Variants in ADGRG4 observed in about 807,000 individuals in gnomAD.
ADGRG4 encodes G protein-coupled receptor 112.
In ADGRG4, 122 loss-of-function variants were observed where a neutral mutation model predicts 126.2. The ratio of observed to expected loss-of-function variants is 0.97; its 90% CI spans 0.83 to 1.12. ADGRG4 has a LOEUF of 1.12. Among genes scored for constraint, ADGRG4 ranks in the 50% most tolerant of loss-of-function variants. The probability of loss-of-function intolerance (pLI) is 0.00; values close to 1 mark genes in which losing one functional copy is unlikely to be tolerated. For synonymous variants in ADGRG4, 943 were observed against 838.7 expected (o/e 1.12, Z -2.15); for missense variants, 2,481 against 2,251.8 (o/e 1.10, Z -2.06).
In ADGRG4 at chrX:136,348,855, A is replaced by T; in HGVS notation, c.5149A>T (p.Ile1717Leu). 1 of 1,209,811 alleles carries T rather than the reference A, an allele frequency of 8.3e-7. No homozygotes were observed. Among genetic ancestry groups the T allele is most frequent in the Non-Finnish European group, 1.1e-6 (1 of 894,660 alleles). ...SQADEATTLG[I>L]LSGITNRSLS... The stretch of plus-strand genomic sequence containing the variant: ...AGCAGATGAGGCTACAACTTTGGGC[A>T]TATTATCTGGGATTACTAACAGGTC... Residue 1717 changes from isoleucine to leucine, a missense_variant, in exon 6 of 26, where the codon ATA (isoleucine) becomes TTA (leucine). By Grantham distance (5) the Ile-to-Leu change is conservative. Coordinates refer to ENST00000394143, the MANE Select transcript of ADGRG4 (RefSeq NM_153834.4).
intron 22 of ADGRG4, 28 bp downstream of exon 22, chrX:136,403,350 G>T: frequency 9.1e-7 from 1 of 1,102,830 alleles, no homozygotes; most frequent in African/African-American, 1.8e-5. Flanking sequence ...TGTTTCTCTG[G>T]TGGTGGGGCT....
chrX:136,399,211 TATAC>T (rs1295587122), intron 20 of ADGRG4, among the ~76,000 whole-genome samples: 1 of 111,940 alleles, frequency 8.9e-6, no homozygotes, highest in Admixed American at 9.5e-5. Context: ...TCCACAGGTA[TATAC>T]ATATGTAAAG....
chrX:136,405,473 T>A (rs1047835428), intron 22 of ADGRG4, among the ~76,000 whole-genome samples: 11 of 111,376 alleles, frequency 9.9e-5, no homozygotes, highest in African/African-American at 3.3e-4. Flanking sequence ...CCTCTAGGAT[T>A]TCTGACTTAG....
chrX:136,395,249 A>G, intron 18 of ADGRG4, 141 bp from the exon 19 acceptor site: 1 of 389,703 alleles, frequency 2.6e-6, no homozygotes, highest in Non-Finnish European at 4.4e-6. Flanking sequence ...ATTTAATTTC[A>G]GTGTTCAATT....
intron 23 of ADGRG4, among the ~76,000 whole-genome samples, chrX:136,409,048 GACACACACACACACACAC>G (rs71995144): frequency 6.6e-5 from 6 of 90,863 alleles, no homozygotes; most frequent in Non-Finnish European, 6.5e-5. Context: ...TCAAATTCAA[GACACACACACACACACAC>G]ACACACACAC....
In ADGRG4 at chrX:136,348,224, G is replaced by C. The variant is rs773301806; in HGVS notation, c.4518G>C (p.Thr1506=). 27 of 1,208,373 alleles carry C rather than the reference G, an allele frequency of 2.2e-5. No homozygotes were observed. Among genetic ancestry groups the C allele is most frequent in the Non-Finnish European group, 2.8e-5 (25 of 894,117 alleles). Residue 1506 remains threonine, a synonymous_variant, in exon 6 of 26, where the codon ACG becomes ACC. Transcript: ENST00000394143. ...TTCCTAGAGAATCCTCTATGGCAAC[G>C]TCCACTCCTATTTACCAGATGTCCT... ...TMLPRESSMA[T]STPIYQMSSL...
rs1299892058 is a variant in ADGRG4 at position 136,348,612 on chromosome X, G to A, written c.4906G>A (p.Ala1636Thr). The stretch of plus-strand genomic sequence containing the variant: ...TGCTTTCACTACAGAAATGATAGAG[G>A]CACCTTCCAGGATCACACCTACGAC... ...SSAFTTEMIE[A>T]PSRITPTTFL... Residue 1636 changes from alanine (A) to threonine (T), a missense_variant, in exon 6 of 26, where the codon GCA becomes ACA. Coordinates refer to ENST00000394143, the MANE Select transcript of ADGRG4 (RefSeq NM_153834.4). 1.7e-6 allele frequency: 2 copies of A among 1,210,286 alleles called. No individual in the cohort carries two copies. Among genetic ancestry groups the A allele is most frequent in the Admixed American group, 2.2e-5 (1 of 45,784 alleles).
chrX:136,381,491 A>C (rs2075263759), intron 15 of ADGRG4, among the ~76,000 whole-genome samples: 1 of 111,302 alleles, frequency 9.0e-6, no homozygotes, highest in Non-Finnish European at 1.9e-5. Context: ...AGCCTCTCAA[A>C]GTGTTGGGAT....
Position 136,347,158 on chromosome X carries a change from A to C in ADGRG4, c.3452A>C (p.Asp1151Ala). The change falls in exon 6 of 26, where the codon GAC (aspartate) becomes GCC (alanine). Residue 1151 changes from aspartate to alanine, a missense_variant. By Grantham distance (126) the Asp-to-Ala change is moderately radical (BLOSUM62 -2). Transcript: ENST00000394143. ...HTLVCSKPPP[D>A]NIPPASSTHV... The stretch of plus-strand genomic sequence containing the variant: ...CTTGTCTGCTCAAAACCTCCCCCTG[A>C]CAACATTCCTCCTGCGTCCTCCACT... 7.4e-6 allele frequency: 9 copies of C among 1,211,278 alleles called. No individual in the cohort carries two copies. The highest frequency in any genetic ancestry group is 1.0e-5 in the Non-Finnish European group (9 of 895,221).
rs761032006 is a variant in ADGRG4, at chrX:136,348,057, G to T, written c.4351G>T (p.Val1451Phe). Residue 1451 changes from valine to phenylalanine, a missense_variant, in exon 6 of 26, where the codon GTT becomes TTT. By Grantham distance (50) the Val-to-Phe change is conservative (BLOSUM62 -1). Transcript: ENST00000394143. ...TAGGACACAACCTGAGGTGACTTCA[G>T]TTGCCTCTTTCATTTCTGAAAGCAC... is the stretch of plus-strand genomic sequence containing the variant. ...SLRTQPEVTS[V>F]ASFISESTQT... 8.3e-7 allele frequency: 1 copy of T among 1,209,660 alleles called. No homozygotes were observed. Among genetic ancestry groups the T allele is most frequent in the South Asian group, 1.8e-5 (1 of 56,932 alleles).
intron 8 of ADGRG4, among the ~76,000 whole-genome samples, chrX:136,354,689 A>G (rs1012247088): frequency 9.0e-6 from 1 of 110,979 alleles, no homozygotes; most frequent in Non-Finnish European, 1.9e-5. Flanking sequence ...CTTCTGACTA[A>G]CTGACTTCAA....
At chrX:136,326,886 T>TTA (rs990859365) in intron 5 of ADGRG4, among the ~76,000 whole-genome samples, 1 of 110,582 alleles carries the variant, frequency 9.0e-6, no homozygotes, top group Admixed American at 9.7e-5. Context: ...TACACATAAA[T>TTA]TATATATATA....
intron 5 of ADGRG4, among the ~76,000 whole-genome samples, chrX:136,325,947 G>T (rs776279410): frequency 9.0e-6 from 1 of 111,631 alleles, no homozygotes; most frequent in South Asian, 3.8e-4. Context: ...CTGACCTCAA[G>T]TGGTCTGCCT....
Position 136,345,386 on chromosome X carries a change from A to C in ADGRG4, c.1680A>C (p.Leu560Phe). The C allele has an allele frequency of 1.7e-6, 2 of 1,210,549 alleles. No individual in the cohort carries two copies. Among genetic ancestry groups the C allele is most frequent in the Non-Finnish European group, 2.2e-6 (2 of 894,619 alleles). ...CCTCCTCTAAGACCTTTTCTTTCTT[A>C]ACATCCTTTTCATTTACTGGGACTG... ...KETSSKTFSFLTSFSFTGTES... is the reference protein window; with the variant it reads ...KETSSKTFSFFTSFSFTGTES... The change falls in exon 6 of 26, where the codon TTA (leucine) becomes TTC (phenylalanine). Residue 560 changes from leucine (L) to phenylalanine (F), a missense_variant. By Grantham distance (22) the Leu-to-Phe change is conservative. Transcript: ENST00000394143.
At chrX:136,357,874 C>T in intron 10 of ADGRG4, 118 bp downstream of exon 10, 1 of 496,817 alleles carries the variant, frequency 2.0e-6, no homozygotes, top group Non-Finnish European at 3.5e-6. Flanking sequence ...TCAAAGTACC[C>T]AGTGATTATT....
At chrX:136,381,631 TAGTC>T (rs1269530157) in intron 15 of ADGRG4, among the ~76,000 whole-genome samples, 3 of 111,197 alleles carry the variant, frequency 2.7e-5, no homozygotes, top group Admixed American at 9.6e-5. Flanking sequence ...TTTATTGTAT[TAGTC>T]AGAGTTCTCT....
intron 18 of ADGRG4, among the ~76,000 whole-genome samples, chrX:136,394,647 C>T (rs2075337167): frequency 8.9e-6 from 1 of 112,049 alleles, no homozygotes; most frequent in South Asian, 3.7e-4. Context: ...TGCTGGGGTA[C>T]TCCCAGGTCA....
chrX:136,350,848 T>A (rs2075058117), intron 6 of ADGRG4, among the ~76,000 whole-genome samples: 1 of 110,933 alleles, frequency 9.0e-6, no homozygotes, highest in Admixed American at 9.6e-5. Flanking sequence ...CCAGAATATA[T>A]CTTATCTTGC....
At chrX:136,410,936 T>A (rs557598301) in intron 23 of ADGRG4, among the ~76,000 whole-genome samples, 20 of 112,413 alleles carry the variant, frequency 1.8e-4, no homozygotes, top group African/African-American at 6.1e-4. Context: ...GGAAAGATTT[T>A]GTGGATAAAG....
Sources: gnomAD v4.1 joint callset for allele counts (sites outside exome capture counted in the v4.1 genomes callset) on GRCh38, gnomAD v4.1.1 for gene constraint, MANE v1.5 for transcripts, NCBI Gene and HGNC (gene_info 2026-07-23, HGNC 2026-07-21) for gene names.